Variants in FOXP1 observed in about 807,000 individuals in gnomAD.
FOXP1 encodes forkhead box P1, also known as forkhead box protein P1.
A neutral mutation model predicts 98.2 loss-of-function variants in FOXP1; 15 were observed. The observed-to-expected ratio is 0.15, with a 90% CI of 0.10 to 0.24. The LOEUF is 0.24. Ranked by LOEUF, FOXP1 falls within the 10% of genes least tolerant of loss-of-function variation. FOXP1 has a pLI of 1.00. For missense variants in FOXP1, 633 were observed against 848.5 expected, an observed-to-expected ratio of 0.75 and a Z score of 3.15; for synonymous variants, 371 against 314.5, an observed-to-expected ratio of 1.18 and a Z score of -1.90.
At chr3:71,113,712 C>CAAAATAAAATAAAATAAAAT (rs4055929) in intron 6 of FOXP1, among the ~76,000 whole-genome samples, 29,589 of 101,974 alleles carry the variant, frequency 0.29, 5,429 homozygotes, top group Admixed American at 0.32. Context: ...GCTTCCATCT[C>CAAAATAAAATAAAATAAAAT]AAAATAAAAT....
intron 3 of FOXP1, among the ~76,000 whole-genome samples, chr3:71,368,560 A>T (rs1469319048): frequency 6.6e-6 from 1 of 151,344 alleles, no homozygotes; most frequent in Non-Finnish European, 1.5e-5. Flanking sequence ...AATAGGAAGT[A>T]TGCTTTATTT....
At chr3:71,106,493 G>A (rs546375580) in intron 7 of FOXP1, among the ~76,000 whole-genome samples, 26 of 152,038 alleles carry the variant, frequency 1.7e-4, no homozygotes, top group Admixed American at 2.6e-4. Flanking sequence ...GTGCCACCAC[G>A]CCCAGCTAAT....
At chr3:71,442,201 GCATAGC>G in intron 3 of FOXP1, among the ~76,000 whole-genome samples, 1 of 152,110 alleles carries the variant, frequency 6.6e-6, no homozygotes, top group South Asian at 2.1e-4. Flanking sequence ...CATTCCTTCT[GCATAGC>G]TCCATACTGT....
chr3:71,242,324 C>T lies in FOXP1; in HGVS notation c.-11-43932G>A, dbSNP rs183816111. ...GCTGCACCTATGGCATAGACCAGAA[C>T]GCTCCTAAGCTGATGCCCTGATAAC... is the stretch of plus-strand genomic sequence containing the variant. On this transcript the variant is annotated intron_variant, in intron 5 of 20. Coordinates refer to ENST00000649528, the MANE Select transcript of FOXP1 (RefSeq NM_001349338.3). Among the ~76,000 whole-genome samples, 37 of 152,242 alleles carry T rather than the reference C, an allele frequency of 2.4e-4. No homozygotes were observed. In the East Asian group the frequency reaches 3.9e-3, roughly 16 times the overall value.
At chr3:71,092,745 GA>G (rs2056013236) in intron 7 of FOXP1, among the ~76,000 whole-genome samples, 1 of 151,856 alleles carries the variant, frequency 6.6e-6, no homozygotes, top group South Asian at 2.1e-4. Context: ...TTCTTATTTT[GA>G]AGGAAAACTT....
intron 14 of FOXP1, among the ~76,000 whole-genome samples, chr3:70,984,342 G>GA (rs1412183580): frequency 6.6e-6 from 1 of 152,214 alleles, no homozygotes; most frequent in Non-Finnish European, 1.5e-5. Context: ...TCACAAGGCT[G>GA]ACCTCTTACC....
intron 1 of FOXP1, chr3:71,582,729 C>G: frequency 1.0e-6 from 1 of 985,238 alleles, no homozygotes; most frequent in South Asian, 4.7e-5. Flanking sequence ...GTTGCGGACT[C>G]GTCTCGGGAA....
At chr3:71,030,306 T>C (rs999904699) in intron 11 of FOXP1, among the ~76,000 whole-genome samples, 4 of 152,226 alleles carry the variant, frequency 2.6e-5, no homozygotes, top group Non-Finnish European at 5.9e-5. Flanking sequence ...CTTCTATGCC[T>C]GCCTCTGCTT....
intron 6 of FOXP1, chr3:71,131,089 G>T: frequency 4.3e-6 from 1 of 233,090 alleles, no homozygotes; most frequent in Non-Finnish European, 7.0e-6. Context: ...AGATTTTGCA[G>T]ACTTTAGAGG....
Position 71,022,135 on chromosome 3 carries a change from T to C in FOXP1, c.870-6482A>G, listed in dbSNP as rs577920898. ...TCTGTTTTAAGTTAATTTTTGCATATGATATGAGTCAGGGGTCCAAGTTCA... is the reference window on the plus strand; with the variant it reads ...TCTGTTTTAAGTTAATTTTTGCATACGATATGAGTCAGGGGTCCAAGTTCA... On this transcript the variant is annotated intron_variant, in intron 11 of 20. Coordinates refer to ENST00000649528, the MANE Select transcript of FOXP1 (RefSeq NM_001349338.3). 2.6e-5 allele frequency among the ~76,000 whole-genome samples: 4 copies of C among 152,322 alleles called. No individual in the cohort carries two copies. In the South Asian group the frequency reaches 8.3e-4, roughly 32 times the overall value.
At chr3:71,313,402 G>T (rs937034439) in intron 4 of FOXP1, among the ~76,000 whole-genome samples, 1 of 152,000 alleles carries the variant, frequency 6.6e-6, no homozygotes, top group African/African-American at 2.4e-5. Flanking sequence ...GCAAGTGATT[G>T]TTATCTACCT....
At chr3:71,476,081 C>T (rs572426654) in intron 3 of FOXP1, among the ~76,000 whole-genome samples, 24 of 152,026 alleles carry the variant, frequency 1.6e-4, no homozygotes, top group Non-Finnish European at 3.2e-4. Flanking sequence ...CGATAGCATT[C>T]AAAGTGAAAC....
chr3:71,440,237 A>G (rs1182874223), intron 3 of FOXP1, among the ~76,000 whole-genome samples: 1 of 152,156 alleles, frequency 6.6e-6, no homozygotes, highest in African/African-American at 2.4e-5. Flanking sequence ...ATTTAAGATG[A>G]TAAATTCTGT....
intron 17 of FOXP1, among the ~76,000 whole-genome samples, chr3:70,975,135 G>A (rs1317942529): frequency 6.6e-6 from 1 of 152,116 alleles, no homozygotes; most frequent in Admixed American, 6.5e-5. Flanking sequence ...CCTGCAGTTT[G>A]CAAAACGAAA....
intron 3 of FOXP1, among the ~76,000 whole-genome samples, chr3:71,395,869 T>TG (rs34040904): frequency 2.0e-5 from 3 of 151,970 alleles, no homozygotes; most frequent in Non-Finnish European, 2.9e-5. Flanking sequence ...CTGTAATTAA[T>TG]GGGGGGGTTG....
intron 2 of FOXP1, among the ~76,000 whole-genome samples, chr3:71,519,982 G>T (rs149533905): frequency 6.4e-4 from 97 of 152,330 alleles, no homozygotes; most frequent in African/African-American, 2.2e-3. Context: ...TTCCAAGTAA[G>T]AATCAAGTAG....
intron 17 of FOXP1, among the ~76,000 whole-genome samples, chr3:70,973,284 TTA>T (rs2036734524): frequency 7.4e-6 from 1 of 135,748 alleles, no homozygotes; most frequent in Admixed American, 7.8e-5. Flanking sequence ...AGCTATCATG[TTA>T]TGTCTCACCT....
At chr3:71,017,577 A>G (rs898079429) in intron 11 of FOXP1, among the ~76,000 whole-genome samples, 1 of 151,826 alleles carries the variant, frequency 6.6e-6, no homozygotes, top group African/African-American at 2.4e-5. Flanking sequence ...TCATTCTTTT[A>G]TATTTAACAT....
intron 7 of FOXP1, among the ~76,000 whole-genome samples, chr3:71,067,545 A>G (rs1203918688): frequency 6.6e-6 from 1 of 152,166 alleles, no homozygotes. Context: ...CACAAATTCC[A>G]GCCCTCATTG....
Sources: allele counts gnomAD v4.1 joint callset (sites outside exome capture counted in the v4.1 genomes callset), GRCh38; gene constraint gnomAD v4.1.1; transcripts MANE v1.5; gene names NCBI Gene and HGNC (gene_info 2026-07-23, HGNC 2026-07-21).